Variants in NRF1 observed in about 807,000 individuals in gnomAD.
NRF1 encodes alpha palindromic-binding protein.
A neutral mutation model predicts 58.5 loss-of-function variants in NRF1; 5 were observed. The observed-to-expected ratio is 0.09, with a 90% CI of 0.04 to 0.18. The LOEUF (loss-of-function observed/expected upper bound fraction) is 0.18. NRF1 is among the 10% of genes least tolerant of loss of function. The pLI is 1.00. For missense variants in NRF1, 288 were observed against 657.7 expected (o/e 0.44, Z 6.15); for synonymous variants, 224 against 246.7 (o/e 0.91, Z 0.86).
intron 10 of NRF1, among the ~76,000 whole-genome samples, chr7:129,744,397 G>C (rs1357054878): frequency 6.6e-6 from 1 of 152,054 alleles, no homozygotes; most frequent in Non-Finnish European, 1.5e-5. Context: ...TTGATTATCT[G>C]ATTTTTCTAG....
chr7:129,642,721 C>T (rs1320399104), intron 1 of NRF1, among the ~76,000 whole-genome samples: 1 of 150,500 alleles, frequency 6.6e-6, no homozygotes, highest in African/African-American at 2.4e-5. Flanking sequence ...CCCCAAAGAA[C>T]ACAAGTCACT....
At chr7:129,691,821 C>G (rs1802576098) in intron 5 of NRF1, among the ~76,000 whole-genome samples, 1 of 152,160 alleles carries the variant, frequency 6.6e-6, no homozygotes, top group South Asian at 2.1e-4. Flanking sequence ...TCATCCTTCA[C>G]TAGGTGCTCC....
intron 8 of NRF1, among the ~76,000 whole-genome samples, 153 bp from the exon 9 acceptor site, chr7:129,717,066 G>A (rs1264344650): frequency 7.2e-5 from 11 of 152,184 alleles, no homozygotes. Flanking sequence ...GCAAAAGGTA[G>A]CATGCTTAAA....
At chr7:129,712,703 C>T (rs1351775022) in intron 8 of NRF1, among the ~76,000 whole-genome samples, 2 of 152,152 alleles carry the variant, frequency 1.3e-5, no homozygotes, top group African/African-American at 4.8e-5. Context: ...TGCTGCAAAG[C>T]GTATGTGCCT....
At chr7:129,722,681 G>A (rs1562983490) in intron 9 of NRF1, among the ~76,000 whole-genome samples, 1 of 152,136 alleles carries the variant, frequency 6.6e-6, no homozygotes, top group South Asian at 2.1e-4. Context: ...TTAGAAAGAA[G>A]TTAAAGAAGA....
At chr7:129,621,589 G>T (rs1221115185) in intron 1 of NRF1, among the ~76,000 whole-genome samples, 1 of 152,030 alleles carries the variant, frequency 6.6e-6, no homozygotes, top group Admixed American at 6.6e-5. Context: ...GCCAAGATTT[G>T]CTAAGTAAGA....
At chr7:129,620,780 A>G (rs1401319583) in intron 1 of NRF1, among the ~76,000 whole-genome samples, 1 of 152,224 alleles carries the variant, frequency 6.6e-6, no homozygotes, top group African/African-American at 2.4e-5. Flanking sequence ...AAGCTGGCTC[A>G]TCTGTCAGAA....
intron 10 of NRF1, among the ~76,000 whole-genome samples, chr7:129,752,663 G>T (rs892064667): frequency 1.3e-5 from 2 of 151,930 alleles, no homozygotes; most frequent in African/African-American, 4.8e-5. Flanking sequence ...ACCAACCTGG[G>T]CAACATAGTG....
At chr7:129,615,017 G>A (rs1428422994) in intron 1 of NRF1, among the ~76,000 whole-genome samples, 2 of 152,122 alleles carry the variant, frequency 1.3e-5, no homozygotes, top group African/African-American at 4.8e-5. Context: ...GCCTTTTCTT[G>A]TATGGAATAA....
intron 1 of NRF1, among the ~76,000 whole-genome samples, chr7:129,628,210 A>AT (rs1800965258): frequency 6.7e-6 from 1 of 149,656 alleles, no homozygotes; most frequent in Non-Finnish European, 1.5e-5. Flanking sequence ...CGCCCGGCTA[A>AT]TTTTTTTGTT....
At chr7:129,747,486 G>T (rs1402928861) in intron 10 of NRF1, among the ~76,000 whole-genome samples, 1 of 152,146 alleles carries the variant, frequency 6.6e-6, no homozygotes, top group African/African-American at 2.4e-5. Flanking sequence ...TCTAACATCT[G>T]TGACCCCAGC....
chr7:129,668,521 A>G (rs754240087), intron 2 of NRF1, among the ~76,000 whole-genome samples: 2 of 152,230 alleles, frequency 1.3e-5, no homozygotes, highest in African/African-American at 4.8e-5. Context: ...TTTGAACTGT[A>G]TTAAATTTAT....
At chr7:129,701,700 A>T (rs1802830125) in intron 5 of NRF1, among the ~76,000 whole-genome samples, 1 of 152,154 alleles carries the variant, frequency 6.6e-6, no homozygotes. Context: ...GGATTGGCAA[A>T]GTCTTTCTGG....
chr7:129,619,735 T>TA (rs1800750045), intron 1 of NRF1, among the ~76,000 whole-genome samples: 1 of 87,668 alleles, frequency 1.1e-5, no homozygotes, highest in Non-Finnish European at 2.4e-5. Context: ...TTGTTTGGGT[T>TA]GTTTTTTTTT....
chr7:129,656,864 G>A (rs941554704), intron 1 of NRF1, among the ~76,000 whole-genome samples: 3 of 152,116 alleles, frequency 2.0e-5, no homozygotes, highest in Admixed American at 1.3e-4. Flanking sequence ...GGCACTTGCC[G>A]CCATGCCCTC....
At chr7:129,706,602 T>C (rs1802955498) in intron 5 of NRF1, among the ~76,000 whole-genome samples, 2 of 151,876 alleles carry the variant, frequency 1.3e-5, no homozygotes, top group Admixed American at 1.3e-4. Context: ...AGAAGACAAG[T>C]AGATTGGAGA....
chr7:129,633,386 T>C (rs1801094307), intron 1 of NRF1: 1 of 152,236 alleles, frequency 6.6e-6, no homozygotes, highest in African/African-American at 2.4e-5. Flanking sequence ...TCTTGGCAAC[T>C]TGATGTCACT....
chr7:129,674,729 C>G (rs1802136921), intron 3 of NRF1, among the ~76,000 whole-genome samples: 1 of 152,158 alleles, frequency 6.6e-6, no homozygotes, highest in African/African-American at 2.4e-5. Flanking sequence ...GCCACTGGGC[C>G]TGACCACTAA....
chr7:129,614,489 T>A (rs1322080811), intron 1 of NRF1, among the ~76,000 whole-genome samples: 7 of 99,638 alleles, frequency 7.0e-5, no homozygotes, highest in Non-Finnish European at 2.1e-5. Context: ...ATAATTTTTT[T>A]TTTTAAGTTA....
Sources: gnomAD v4.1 joint callset for allele counts (sites outside exome capture counted in the v4.1 genomes callset) on GRCh38, gnomAD v4.1.1 for gene constraint, MANE v1.5 for transcripts, NCBI Gene and HGNC (gene_info 2026-07-23, HGNC 2026-07-21) for gene names.